Variants in FLRT1 observed in about 807,000 individuals in gnomAD.
The protein encoded by FLRT1 is fibronectin leucine rich transmembrane protein 1.
In FLRT1, 14 loss-of-function variants were observed where a neutral mutation model predicts 30.9. That is an observed-to-expected ratio of 0.45 (90% confidence interval 0.30 to 0.71). FLRT1 has a LOEUF of 0.71. FLRT1 is among the 30% of genes least tolerant of loss of function. The pLI is 0.08. For synonymous variants in FLRT1, 368 were observed against 430.4 expected (o/e 0.85, Z 1.80); for missense variants, 737 against 949.2 (o/e 0.78, Z 2.94).
intron 1 of FLRT1, among the ~76,000 whole-genome samples, chr11:64,069,352 A>G (rs1931265910): frequency 2.6e-5 from 4 of 152,154 alleles, no homozygotes; most frequent in Admixed American, 1.3e-4. Context: ...GGAGGCTGCC[A>G]GAGGATGGGG....
chr11:64,058,785 G>A (rs551669681), intron 1 of FLRT1, among the ~76,000 whole-genome samples: 1 of 152,320 alleles, frequency 6.6e-6, no homozygotes, highest in African/African-American at 2.4e-5. Context: ...CTCTGTCATC[G>A]GCCAGGGCCT....
At chr11:64,084,433 C>T (rs1944358047) in intron 1 of FLRT1, among the ~76,000 whole-genome samples, 1 of 152,168 alleles carries the variant, frequency 6.6e-6, no homozygotes, top group Non-Finnish European at 1.5e-5. Flanking sequence ...CCCCTCCCTG[C>T]ACTGTGGGCA....
At chr11:64,051,127 C>T (rs539207654) in intron 1 of FLRT1, among the ~76,000 whole-genome samples, 1 of 152,322 alleles carries the variant, frequency 6.6e-6, no homozygotes, top group South Asian at 2.1e-4. Context: ...GCCCCCAAAG[C>T]CCCAGGTTTG....
At position 64,036,963 on chromosome 11, in the gene FLRT1, G is replaced by A. The variant is rs1168258127; in HGVS notation, c.-1038+804G>A. On this transcript the variant is annotated intron_variant, in intron 1 of 2. Transcript: ENST00000682287. The surrounding 1 kb of genome is among the most constrained non-coding windows in gnomAD (Gnocchi z 5.6). ...TGGTTGATCAGAGCTCCCCGAGGAG[G>A]AGAAAGTTGTGGAACAGGGACACCA... is the stretch of plus-strand genomic sequence containing the variant. Among the ~76,000 whole-genome samples the A allele has an allele frequency of 1.3e-5, 2 of 152,230 alleles. No individual in the cohort carries two copies. The highest frequency in any genetic ancestry group is 4.1e-4 in the South Asian group (2 of 4,828).
intron 1 of FLRT1, among the ~76,000 whole-genome samples, chr11:64,060,995 G>C (rs545113822): frequency 2.0e-4 from 30 of 152,042 alleles, no homozygotes; most frequent in African/African-American, 5.5e-4. Flanking sequence ...GGCCGGCGTC[G>C]ACCTTCCCCG....
rs1780305254 is a variant in FLRT1 at position 64,116,385 on chromosome 11, G to A, written c.118G>A (p.Gly40Arg). 2 of 1,613,758 alleles carry A rather than the reference G, an allele frequency of 1.2e-6. No homozygotes were observed. Among genetic ancestry groups the A allele is most frequent in the East Asian group, 4.5e-5 (2 of 44,872 alleles). The change falls in exon 3 of 3, where the codon GGG (glycine) becomes AGG (arginine). Residue 40 changes from glycine to arginine, a missense_variant. Physicochemically the swap from Gly to Arg is moderately radical, Grantham distance 125 (BLOSUM62 -2). Coordinates refer to ENST00000682287, the MANE Select transcript of FLRT1 (RefSeq NM_013280.5). The part of the protein sequence containing the change: ...DLRDWLFLCY[G>R]LIAFLTEVID... Reference sequence around the variant, plus strand: ...GCGGGACTGGCTGTTCCTCTGCTACGGGCTCATCGCCTTCCTGACGGAGGT... The same window carrying A: ...GCGGGACTGGCTGTTCCTCTGCTACAGGCTCATCGCCTTCCTGACGGAGGT...
chr11:64,060,032 G>T (rs1206429038), intron 1 of FLRT1, among the ~76,000 whole-genome samples: 1 of 152,240 alleles, frequency 6.6e-6, no homozygotes, highest in Non-Finnish European at 1.5e-5. Flanking sequence ...CCACACGGCA[G>T]GGGGGAATGG....
At chr11:64,041,032 TAATTAAAACTGG>T (rs1323707450) in intron 1 of FLRT1, among the ~76,000 whole-genome samples, 4 of 151,694 alleles carry the variant, frequency 2.6e-5, no homozygotes, top group Admixed American at 1.3e-4. Flanking sequence ...GGCTTATACT[TAATTAAAACTGG>T]GATTAAAACT....
rs201354922 is a variant in FLRT1 at position 64,116,552 on chromosome 11, C to T, written c.285C>T (p.Asn95=). 3.5e-5 allele frequency: 56 copies of T among 1,614,076 alleles called. No individual in the cohort carries two copies. The highest frequency in any genetic ancestry group is 6.7e-5 in the African/African-American group (5 of 75,044). ...ACCTGCAGAACAACCAGATCAACAA[C>T]GCCGGCATCCCCCAGGACCTCAAGA... ...TLYLQNNQIN[N]AGIPQDLKTK... The change falls in exon 3 of 3, where the codon AAC becomes AAT. Residue 95 remains asparagine, a synonymous_variant. Transcript: ENST00000682287.
intron 1 of FLRT1, among the ~76,000 whole-genome samples, chr11:64,048,168 C>T (rs1273063440): frequency 6.6e-6 from 1 of 152,250 alleles, no homozygotes; most frequent in Non-Finnish European, 1.5e-5. Context: ...CCTCTCTGGC[C>T]CACTGGCCTC....
chr11:64,087,578 C>T (rs936903018), intron 1 of FLRT1, among the ~76,000 whole-genome samples: 2 of 152,230 alleles, frequency 1.3e-5, no homozygotes, highest in African/African-American at 4.8e-5. Flanking sequence ...GTACCAGCAT[C>T]CTGCAGCTTC....
chr11:64,058,153 A>G (rs1184505338), intron 1 of FLRT1, among the ~76,000 whole-genome samples: 1 of 152,250 alleles, frequency 6.6e-6, no homozygotes, highest in Non-Finnish European at 1.5e-5. Context: ...TGTTTCTGGG[A>G]TAGACGGTGG....
intron 1 of FLRT1, among the ~76,000 whole-genome samples, chr11:64,100,558 G>T (rs1206839431): frequency 6.6e-6 from 1 of 152,234 alleles, no homozygotes; most frequent in Non-Finnish European, 1.5e-5. Flanking sequence ...CACTGGGGGT[G>T]CTGTGGCTCT....
rs943706750 is a variant in FLRT1 at position 64,064,325 on chromosome 11, C to T, written c.-1038+28166C>T. Among the ~76,000 whole-genome samples the T allele has an allele frequency of 5.5e-4, 84 of 152,262 alleles. No homozygotes were observed. Among genetic ancestry groups the T allele is most frequent in the Admixed American group, 2.4e-3 (37 of 15,298 alleles). Reference sequence around the variant, plus strand: ...GGCGGCGGGTAGGGGGGTGATGTCTCATCAGAAGAGGGGCCTGCCTGTCCA... The same window carrying T: ...GGCGGCGGGTAGGGGGGTGATGTCTTATCAGAAGAGGGGCCTGCCTGTCCA... On this transcript the variant is annotated intron_variant, in intron 1 of 2. Coordinates refer to ENST00000682287, the MANE Select transcript of FLRT1 (RefSeq NM_013280.5). This position sits in a 1 kb window ranked among gnomAD's most constrained non-coding sequence, Gnocchi z 4.5.
intron 1 of FLRT1, among the ~76,000 whole-genome samples, chr11:64,101,603 A>G (rs965280836): frequency 6.6e-6 from 1 of 152,076 alleles, no homozygotes; most frequent in Non-Finnish European, 1.5e-5. Flanking sequence ...GACTTTTTCC[A>G]TCTCTCGCTT....
rs1019097486 is a variant in FLRT1 at position 64,080,154 on chromosome 11, A to C, written c.-1037-23040A>C. On this transcript the variant is annotated intron_variant, in intron 1 of 2. Transcript: ENST00000682287. ...CAGCCTCCCGAGTAGCGGGGATTAC[A>C]GGCGTGCGCCACCATGCCTGGCTAA... 4.6e-5 allele frequency among the ~76,000 whole-genome samples: 7 copies of C among 152,206 alleles called. No individual in the cohort carries two copies. The South Asian group carries it at 6.2e-4, about 13-fold the overall frequency.
rs914007552 is a variant in FLRT1, at chr11:64,082,240, T to G, written c.-1037-20954T>G. Reference sequence around the variant, plus strand: ...GGTGCTCTCGGCAGCACTGGGCCCCTGCTTAGCAGAGGATGGCTGAGCCTG... The same window carrying G: ...GGTGCTCTCGGCAGCACTGGGCCCCGGCTTAGCAGAGGATGGCTGAGCCTG... On this transcript the variant is annotated intron_variant, in intron 1 of 2. Coordinates refer to ENST00000682287, the MANE Select transcript of FLRT1 (RefSeq NM_013280.5). The surrounding 1 kb of genome is among the most constrained non-coding windows in gnomAD (Gnocchi z 4.5). 3.3e-5 allele frequency among the ~76,000 whole-genome samples: 5 copies of G among 151,866 alleles called. No individual in the cohort carries two copies. The highest frequency in any genetic ancestry group is 6.6e-5 in the Admixed American group (1 of 15,266).
In FLRT1 at chr11:64,118,456, C is replaced by A; in HGVS notation, c.*164C>A. On this transcript the variant is annotated 3_prime_UTR_variant, in exon 3 of 3. Transcript: ENST00000682287. ...GGGGAGGGCTGACGATTTTGTAGAACACAACAGTGACAATTTTTTTTAAAA... is the reference window on the plus strand; with the variant it reads ...GGGGAGGGCTGACGATTTTGTAGAAAACAACAGTGACAATTTTTTTTAAAA... The A allele has an allele frequency of 1.4e-6, 1 of 730,008 alleles. No homozygotes were observed. Among genetic ancestry groups the A allele is most frequent in the Non-Finnish European group, 2.1e-6 (1 of 486,878 alleles). The allele number at this position is 730,008 out of a possible 1,614,324, so 45.2% of individuals were successfully genotyped here.
At chr11:64,101,752 TA>T (rs1944675393) in intron 1 of FLRT1, among the ~76,000 whole-genome samples, 1 of 152,228 alleles carries the variant, frequency 6.6e-6, no homozygotes, top group Non-Finnish European at 1.5e-5. Flanking sequence ...AGCCCCACCG[TA>T]CCCCTTCCAG....
Sources: gnomAD v4.1 joint callset for allele counts (sites outside exome capture counted in the v4.1 genomes callset) on GRCh38, gnomAD v4.1.1 for gene constraint, Gnocchi (gnomAD v3.1) non-coding constraint, MANE v1.5 for transcripts, NCBI Gene and HGNC (gene_info 2026-07-23, HGNC 2026-07-21) for gene names.